LPP: variants seen among roughly 807,000 people sequenced by gnomAD.
LPP encodes the protein lipoma-preferred partner.
In LPP, 38 loss-of-function variants were observed where a neutral mutation model predicts 60.4. The ratio of observed to expected loss-of-function variants is 0.63; its 90% CI spans 0.49 to 0.83. The LOEUF is 0.83. LPP is among the 40% of genes least tolerant of loss of function. LPP has a pLI of 0.00. For synonymous variants in LPP, 328 were observed against 290.8 expected (o/e 1.13, Z -1.30); for missense variants, 902 against 783.6 (o/e 1.15, Z -1.80).
chr3:188,739,759 T>C (rs533355780), intron 8 of LPP, among the ~76,000 whole-genome samples: 1 of 152,148 alleles, frequency 6.6e-6, no homozygotes, highest in African/African-American at 2.4e-5. Context: ...TTTACAATTG[T>C]CTGTAGTTGC....
chr3:188,509,506 G>A (rs1213616177), intron 5 of LPP, among the ~76,000 whole-genome samples: 3 of 152,156 alleles, frequency 2.0e-5, no homozygotes, highest in Non-Finnish European at 2.9e-5. Context: ...TGACAGTAGA[G>A]ACTGTAAACT....
intron 7 of LPP, among the ~76,000 whole-genome samples, chr3:188,652,229 C>G (rs1852240442): frequency 6.6e-6 from 1 of 152,206 alleles, no homozygotes; most frequent in Non-Finnish European, 1.5e-5. Context: ...ATTGCGCATG[C>G]TGCCAGTGGA....
At chr3:188,593,095 T>C (rs1839245455) in intron 6 of LPP, among the ~76,000 whole-genome samples, 1 of 152,000 alleles carries the variant, frequency 6.6e-6, no homozygotes, top group Non-Finnish European at 1.5e-5. Context: ...TCTAGGTTAT[T>C]GGATGAAGAA....
rs149999493 is a variant in LPP at position 188,600,311 on chromosome 3, T to C, written c.430-8850T>C. Among the ~76,000 whole-genome samples, 4 of 149,958 alleles carry C rather than the reference T, an allele frequency of 2.7e-5. No individual in the cohort carries two copies. In the East Asian group the frequency reaches 7.8e-4, roughly 29 times the overall value. On this transcript the variant is annotated intron_variant, in intron 6 of 11. Coordinates refer to ENST00000617246, the MANE Select transcript of LPP (RefSeq NM_001375462.1). ...TTTCTTCCTTTGAGTGAAAAAGTAA[T>C]ATGTGGTAGACACTTAGCAAAATAG...
chr3:188,300,091 A>G (rs1160333362), intron 2 of LPP, among the ~76,000 whole-genome samples: 1 of 152,248 alleles, frequency 6.6e-6, no homozygotes, highest in Non-Finnish European at 1.5e-5. Context: ...GCACAAAAGT[A>G]TGATGAAAAT....
chr3:188,389,551 G>A (rs1003745011), intron 3 of LPP, among the ~76,000 whole-genome samples: 4 of 152,130 alleles, frequency 2.6e-5, no homozygotes, highest in Non-Finnish European at 4.4e-5. Context: ...CAAGGTGGGT[G>A]GATCACCTGA....
intron 3 of LPP, among the ~76,000 whole-genome samples, chr3:188,363,557 C>A (rs554580294): frequency 6.6e-6 from 1 of 152,252 alleles, no homozygotes; most frequent in East Asian, 1.9e-4. Context: ...GGTGTATGGG[C>A]TCTTTACGTC....
chr3:188,651,951 A>G (rs1438521457), intron 7 of LPP, among the ~76,000 whole-genome samples: 1 of 152,074 alleles, frequency 6.6e-6, no homozygotes, highest in Non-Finnish European at 1.5e-5. Context: ...TTTTATTAGT[A>G]TTTCTTAAAA....
At chr3:188,402,243 G>A (rs1782426166) in intron 3 of LPP, among the ~76,000 whole-genome samples, 1 of 151,952 alleles carries the variant, frequency 6.6e-6, no homozygotes, top group African/African-American at 2.4e-5. Context: ...ATCATGATAA[G>A]TAAAACAAGC....
chr3:188,322,164 A>G (rs1185756232), intron 2 of LPP, among the ~76,000 whole-genome samples: 1 of 152,164 alleles, frequency 6.6e-6, no homozygotes, highest in Non-Finnish European at 1.5e-5. Flanking sequence ...ATCCTTTCCA[A>G]CATTTAATCT....
chr3:188,458,196 T>A (rs138565122), intron 4 of LPP, among the ~76,000 whole-genome samples: 542 of 152,270 alleles, frequency 3.6e-3, no homozygotes, highest in Non-Finnish European at 6.6e-3. Context: ...TCTGAAGAGA[T>A]AATTGAAGGA....
chr3:188,481,035 T>C lies in LPP; in HGVS notation c.194-3557T>C, dbSNP rs1579229887. ...AAACATGATAATTCTGCCTTGTCTCTAAAGCTGAACTTATTTTCACTGCAA... is the reference window on the plus strand; with the variant it reads ...AAACATGATAATTCTGCCTTGTCTCCAAAGCTGAACTTATTTTCACTGCAA... On this transcript the variant is annotated intron_variant, in intron 4 of 11. Transcript: ENST00000617246. Among the ~76,000 whole-genome samples the C allele has an allele frequency of 2.0e-5, 3 of 152,244 alleles. No homozygotes were observed. The South Asian group carries it at 6.2e-4, about 31-fold the overall frequency.
At chr3:188,516,990 C>A (rs1050102678) in intron 5 of LPP, among the ~76,000 whole-genome samples, 2 of 152,282 alleles carry the variant, frequency 1.3e-5, no homozygotes, top group African/African-American at 4.8e-5. Flanking sequence ...CTTAGTTTTA[C>A]TTTTGATCAA....
intron 3 of LPP, among the ~76,000 whole-genome samples, chr3:188,385,922 A>C (rs1297583996): frequency 6.6e-6 from 1 of 152,162 alleles, no homozygotes; most frequent in Non-Finnish European, 1.5e-5. Context: ...TTATGCATTT[A>C]ACCCCAAAAT....
chr3:188,189,302 G>A (rs922642187), intron 1 of LPP, among the ~76,000 whole-genome samples: 12 of 152,064 alleles, frequency 7.9e-5, no homozygotes, highest in African/African-American at 2.9e-4. Context: ...TTCCCAGGCT[G>A]GTCTCAAACT....
intron 9 of LPP, among the ~76,000 whole-genome samples, chr3:188,779,904 T>C (rs1739095090): frequency 6.6e-6 from 1 of 152,132 alleles, no homozygotes; most frequent in Admixed American, 6.5e-5. Context: ...CCTTCATCCA[T>C]TTCCAACCTA....
intron 1 of LPP, among the ~76,000 whole-genome samples, chr3:188,205,356 C>T (rs1306222544): frequency 6.9e-6 from 1 of 145,000 alleles, no homozygotes; most frequent in African/African-American, 2.6e-5. Context: ...TCTTGGCTCA[C>T]TGCAACCTCC....
intron 9 of LPP, among the ~76,000 whole-genome samples, chr3:188,865,392 T>G (rs1476588068): frequency 3.3e-5 from 5 of 152,208 alleles, no homozygotes; most frequent in Non-Finnish European, 7.3e-5. Context: ...AACTCTAAAC[T>G]TGGAGATGGT....
At position 188,828,614 on chromosome 3, in the gene LPP, CAA is replaced by C. The variant is rs71169022; in HGVS notation, c.1411-37561_1411-37560del. On this transcript the variant is annotated intron_variant, in intron 9 of 11. Coordinates refer to ENST00000617246, the MANE Select transcript of LPP (RefSeq NM_001375462.1). ...TGGCAACAAGAGCGAAACTCTGTCT[CAA>C]AAAAAAAAAAAAAAAAAAAAAAAAC... is the stretch of plus-strand genomic sequence containing the variant. Among the ~76,000 whole-genome samples the C allele has an allele frequency of 4.8e-4, 15 of 31,338 alleles. No homozygotes were observed. In the East Asian group the frequency reaches 5.3e-3, roughly 11 times the overall value. The allele number at this position is 31,338 out of a possible 152,430, so 20.6% of individuals were successfully genotyped here. A position where few individuals can be genotyped will look rare whatever the true frequency, so the allele number is the denominator to read the frequency against.
Sources: allele counts gnomAD v4.1 joint callset (sites outside exome capture counted in the v4.1 genomes callset), GRCh38; gene constraint gnomAD v4.1.1; transcripts MANE v1.5; gene names NCBI Gene and HGNC (gene_info 2026-07-23, HGNC 2026-07-21).